RGS7BP: variants seen among roughly 807,000 people sequenced by gnomAD.
RGS7BP encodes the protein regulator of G protein signaling 7-binding protein.
In RGS7BP, 9 loss-of-function variants were observed where a neutral mutation model predicts 31.3. The observed-to-expected ratio is 0.29, with a 90% CI of 0.17 to 0.50. The LOEUF is 0.50. Among genes scored for constraint, RGS7BP ranks in the 20% least tolerant of loss-of-function variants. The pLI, the probability that RGS7BP is intolerant of heterozygous loss-of-function variation, is 0.98. For synonymous variants in RGS7BP, 115 were observed against 120.1 expected (o/e 0.96, Z 0.28); for missense variants, 274 against 322.0 (o/e 0.85, Z 1.14).
chr5:64,537,011 T>C (rs1490305160), intron 2 of RGS7BP, among the ~76,000 whole-genome samples: 1 of 152,218 alleles, frequency 6.6e-6, no homozygotes, highest in Non-Finnish European at 1.5e-5. Flanking sequence ...TCTTCTAGAC[T>C]TTAAAGAAAT....
At chr5:64,551,546 T>C (rs190716299) in intron 2 of RGS7BP, among the ~76,000 whole-genome samples, 1 of 151,944 alleles carries the variant, frequency 6.6e-6, no homozygotes, top group East Asian at 1.9e-4. Flanking sequence ...TAAGGATTTT[T>C]ATGGGAGTCA....
chr5:64,528,279 G>A (rs940729756), intron 2 of RGS7BP, among the ~76,000 whole-genome samples: 22 of 152,200 alleles, frequency 1.4e-4, no homozygotes, highest in Non-Finnish European at 3.1e-4. Flanking sequence ...AGGCCAGGGA[G>A]CCAGGAGAGA....
intron 3 of RGS7BP, among the ~76,000 whole-genome samples, chr5:64,587,052 G>T (rs919815277): frequency 6.6e-5 from 10 of 152,098 alleles, no homozygotes; most frequent in Admixed American, 5.9e-4. Flanking sequence ...GGGCAGTGTT[G>T]CTCTTTCCAT....
rs1265589705 is a variant in RGS7BP at position 64,609,556 on chromosome 5, T to G, written c.*304T>G. On this transcript the variant is annotated 3_prime_UTR_variant, in exon 6 of 6. Coordinates refer to ENST00000334025, the MANE Select transcript of RGS7BP (RefSeq NM_001029875.3). ...GCAAGAATTATGATTTTTAAATTAT[T>G]TAAAGGTTTTTTAAATGTATTATAC... is the stretch of plus-strand genomic sequence containing the variant. 2 of 298,742 alleles carry G rather than the reference T, an allele frequency of 6.7e-6. No homozygotes were observed. The highest frequency in any genetic ancestry group is 1.3e-5 in the Non-Finnish European group (2 of 155,498). The allele number at this position is 298,742 out of a possible 1,614,324, so 18.5% of individuals were successfully genotyped here.
At chr5:64,514,974 G>C (rs1046927832) in intron 2 of RGS7BP, among the ~76,000 whole-genome samples, 1 of 152,148 alleles carries the variant, frequency 6.6e-6, no homozygotes, top group African/African-American at 2.4e-5. Flanking sequence ...CACCTTGTTA[G>C]AGTCTTCTTA....
chr5:64,507,367 T>G lies in RGS7BP; in HGVS notation c.166-344T>G, dbSNP rs369322393. ...TAGCAGTAGGAGAGGGGACCGTCTATGTAGGAGTCCCCAGCATCATTCTCT... is the reference window on the plus strand; with the variant it reads ...TAGCAGTAGGAGAGGGGACCGTCTAGGTAGGAGTCCCCAGCATCATTCTCT... On this transcript the variant is annotated intron_variant, in intron 1 of 5. Coordinates refer to ENST00000334025, the MANE Select transcript of RGS7BP (RefSeq NM_001029875.3). Among the ~76,000 whole-genome samples, 42 of 152,282 alleles carry G rather than the reference T, an allele frequency of 2.8e-4. 1 individual carries two copies. In the South Asian group the frequency reaches 8.5e-3, roughly 31 times the overall value.
chr5:64,587,135 G>A (rs1048922389), intron 3 of RGS7BP, among the ~76,000 whole-genome samples: 4 of 152,092 alleles, frequency 2.6e-5, no homozygotes, highest in Non-Finnish European at 4.4e-5. Context: ...ACTTTTAGGG[G>A]CCAGTCTGGA....
intron 2 of RGS7BP, among the ~76,000 whole-genome samples, chr5:64,541,213 G>T (rs961280013): frequency 1.3e-5 from 2 of 152,136 alleles, no homozygotes; most frequent in African/African-American, 4.8e-5. Flanking sequence ...GAACAAGAGA[G>T]AGGGGAGGGG....
intron 2 of RGS7BP, 74 bp from the exon 3 acceptor site, chr5:64,575,700 T>C: frequency 6.6e-7 from 1 of 1,517,788 alleles, no homozygotes; most frequent in East Asian, 2.3e-5. Flanking sequence ...TTTTTCCCTC[T>C]CGGAGCTGAG....
At chr5:64,600,083 G>A (rs893768899) in intron 5 of RGS7BP, among the ~76,000 whole-genome samples, 8 of 152,170 alleles carry the variant, frequency 5.3e-5, no homozygotes, top group African/African-American at 1.9e-4. Context: ...CACGTGTAGT[G>A]TATATGTCAG....
chr5:64,563,199 A>C (rs1198465794), intron 2 of RGS7BP, among the ~76,000 whole-genome samples: 1 of 152,066 alleles, frequency 6.6e-6, no homozygotes, highest in Non-Finnish European at 1.5e-5. Context: ...ATTATAGATA[A>C]AGATCTCTCA....
chr5:64,511,485 C>T (rs949526409), intron 2 of RGS7BP, among the ~76,000 whole-genome samples: 1 of 152,174 alleles, frequency 6.6e-6, no homozygotes, highest in African/African-American at 2.4e-5. Flanking sequence ...AGCAGCAAAT[C>T]CTCCCTTCAA....
At chr5:64,607,443 C>A (rs778487202) in intron 5 of RGS7BP, among the ~76,000 whole-genome samples, 1 of 151,964 alleles carries the variant, frequency 6.6e-6, no homozygotes, top group Non-Finnish European at 1.5e-5. Context: ...AGATGTATAT[C>A]GGTTTGGTCT....
chr5:64,598,818 C>T (rs567289900), intron 5 of RGS7BP, among the ~76,000 whole-genome samples: 1 of 152,284 alleles, frequency 6.6e-6, no homozygotes, highest in African/African-American at 2.4e-5. Context: ...TACAGCATGC[C>T]ACTATTCAAA....
intron 2 of RGS7BP, among the ~76,000 whole-genome samples, chr5:64,525,331 G>C (rs750845622): frequency 1.2e-4 from 19 of 152,120 alleles, no homozygotes; most frequent in Non-Finnish European, 2.4e-4. Flanking sequence ...ACAGCTATTG[G>C]GACTGTATTC....
intron 2 of RGS7BP, among the ~76,000 whole-genome samples, chr5:64,568,657 A>G (rs1012255945): frequency 6.6e-6 from 1 of 152,056 alleles, no homozygotes; most frequent in East Asian, 1.9e-4. Context: ...CTTATTCCCA[A>G]CTTTCCCCAG....
intron 2 of RGS7BP, among the ~76,000 whole-genome samples, chr5:64,538,528 C>CTT (rs200275665): frequency 0.016 from 710 of 43,034 alleles, 5 homozygotes; most frequent in East Asian, 0.028. Flanking sequence ...CTTTTCTTTT[C>CTT]TTTTTTTTTT....
At chr5:64,595,636 C>A (rs1367621384) in intron 4 of RGS7BP, among the ~76,000 whole-genome samples, 1 of 152,142 alleles carries the variant, frequency 6.6e-6, no homozygotes, top group African/African-American at 2.4e-5. Flanking sequence ...TGCCTTTACA[C>A]TGATATCTGT....
intron 2 of RGS7BP, among the ~76,000 whole-genome samples, chr5:64,571,963 AAAAT>A (rs1184295952): frequency 2.0e-5 from 3 of 152,174 alleles, no homozygotes; most frequent in African/African-American, 7.2e-5. Context: ...CTCAATAGAA[AAAAT>A]AAATAATCAC....
Sources: gnomAD v4.1 joint callset for allele counts (sites outside exome capture counted in the v4.1 genomes callset) on GRCh38, gnomAD v4.1.1 for gene constraint, MANE v1.5 for transcripts, NCBI Gene and HGNC (gene_info 2026-07-23, HGNC 2026-07-21) for gene names.